The following EPHA5 variants were observed in gnomAD, a reference collection of about 807,000 sequenced individuals.
EPHA5 encodes the protein EPH receptor A5, also known as ephrin type-A receptor 5.
EPHA5 carries 60 observed loss-of-function variants against 105.0 expected under a neutral mutation model. The observed-to-expected ratio is 0.57, with a 90% confidence interval of 0.46 to 0.71. EPHA5 has a LOEUF of 0.71. EPHA5 is among the 30% of genes least tolerant of loss of function. The probability of loss-of-function intolerance (pLI) is 0.00; values close to 1 mark genes in which losing one functional copy is unlikely to be tolerated. For missense variants in EPHA5, 1,218 were observed against 1,274.7 expected, an observed-to-expected ratio of 0.96 and a Z score of 0.68; for synonymous variants, 513 against 449.1, an observed-to-expected ratio of 1.14 and a Z score of -1.80.
At chr4:65,577,463 A>G (rs6827892) in intron 3 of EPHA5, among the ~76,000 whole-genome samples, 37,815 of 152,052 alleles carry the variant, frequency 0.25, 5,256 homozygotes, top group East Asian at 0.46. Flanking sequence ...ATAGTAGCTT[A>G]TATAGTAAGT....
chr4:65,326,189 A>G (rs889389414), intron 16 of EPHA5, among the ~76,000 whole-genome samples: 1 of 150,996 alleles, frequency 6.6e-6, no homozygotes, highest in Non-Finnish European at 1.5e-5. Context: ...TATGATACAG[A>G]TTTTTAAATT....
At chr4:65,418,454 A>G (rs1000545474) in intron 6 of EPHA5, among the ~76,000 whole-genome samples, 2 of 152,196 alleles carry the variant, frequency 1.3e-5, no homozygotes, top group Non-Finnish European at 2.9e-5. Context: ...TTTGTTGACA[A>G]TAAACAGTGT....
intron 3 of EPHA5, among the ~76,000 whole-genome samples, chr4:65,502,618 G>A (rs1246040219): frequency 2.0e-5 from 3 of 151,846 alleles, no homozygotes; most frequent in African/African-American, 7.2e-5. Context: ...GTGAGGCTGT[G>A]GAGAAAAGGA....
intron 1 of EPHA5, among the ~76,000 whole-genome samples, chr4:65,659,269 T>C (rs1315934907): frequency 3.0e-5 from 4 of 132,044 alleles, no homozygotes; most frequent in Non-Finnish European, 6.1e-5. Context: ...ATAGAGTGTC[T>C]GGTCTGGGCT....
chr4:65,550,313 A>T (rs1420548365), intron 3 of EPHA5, among the ~76,000 whole-genome samples: 1 of 152,122 alleles, frequency 6.6e-6, no homozygotes, highest in Non-Finnish European at 1.5e-5. Flanking sequence ...TTATTAAACC[A>T]ATGTAAAAAT....
chr4:65,557,120 A>G (rs1482970824), intron 3 of EPHA5, among the ~76,000 whole-genome samples: 1 of 151,094 alleles, frequency 6.6e-6, no homozygotes, highest in Admixed American at 6.6e-5. Flanking sequence ...ATTTATATGG[A>G]ATATTCTAGA....
chr4:65,667,500 G>A (rs1198714148), intron 1 of EPHA5, among the ~76,000 whole-genome samples: 1 of 152,022 alleles, frequency 6.6e-6, no homozygotes, highest in African/African-American at 2.4e-5. Flanking sequence ...CCCCATCTCC[G>A]TGTAGTCCAA....
rs569337708 is a variant in EPHA5, at chr4:65,449,379, C to A, written c.1403-28814G>T. Among the ~76,000 whole-genome samples the A allele has an allele frequency of 3.3e-5, 5 of 152,206 alleles. No individual in the cohort carries two copies. In the South Asian group the frequency reaches 6.2e-4, roughly 19 times the overall value. Reference sequence around the variant, plus strand: ...GCACTGACTTACATTTTTTATAGTACACATTTGTACACTTTGGTGGGAAAC... The same window carrying A: ...GCACTGACTTACATTTTTTATAGTAAACATTTGTACACTTTGGTGGGAAAC... On this transcript the variant is annotated intron_variant, in intron 5 of 16. Transcript: ENST00000613740.
At chr4:65,417,153 G>A (rs1222634798) in intron 6 of EPHA5, among the ~76,000 whole-genome samples, 1 of 152,198 alleles carries the variant, frequency 6.6e-6, no homozygotes, top group Non-Finnish European at 1.5e-5. Context: ...AGATGGCAAT[G>A]AGCCCATCAT....
chr4:65,625,499 A>G (rs1746055761), intron 2 of EPHA5, among the ~76,000 whole-genome samples: 1 of 152,182 alleles, frequency 6.6e-6, no homozygotes, highest in African/African-American at 2.4e-5. Context: ...TATCACATTC[A>G]AGAATAAGAT....
chr4:65,645,696 T>A (rs192824690), intron 1 of EPHA5, among the ~76,000 whole-genome samples: 1 of 152,100 alleles, frequency 6.6e-6, no homozygotes, highest in African/African-American at 2.4e-5. Context: ...TTAATATAAT[T>A]TATTGAGTGT....
chr4:65,549,374 T>A (rs1157054081), intron 3 of EPHA5, among the ~76,000 whole-genome samples: 4 of 152,088 alleles, frequency 2.6e-5, no homozygotes, highest in Non-Finnish European at 5.9e-5. Flanking sequence ...TGATTATAAA[T>A]GGAAGGGCCT....
At chr4:65,634,398 A>C (rs1746923756) in intron 2 of EPHA5, among the ~76,000 whole-genome samples, 1 of 152,084 alleles carries the variant, frequency 6.6e-6, no homozygotes, top group Non-Finnish European at 1.5e-5. Flanking sequence ...ATCAAAGACT[A>C]AATACAATAC....
intron 3 of EPHA5, among the ~76,000 whole-genome samples, chr4:65,519,934 T>C (rs1361212541): frequency 6.6e-6 from 1 of 152,140 alleles, no homozygotes; most frequent in East Asian, 1.9e-4. Context: ...ATCAGTATTG[T>C]GAAAATGGCC....
intron 7 of EPHA5, among the ~76,000 whole-genome samples, chr4:65,406,778 A>G (rs1722400099): frequency 6.6e-6 from 1 of 152,126 alleles, no homozygotes; most frequent in Non-Finnish European, 1.5e-5. Context: ...ATAAAAATTA[A>G]CATGTTTAAA....
At position 65,369,931 on chromosome 4, in the gene EPHA5, C is replaced by A. The variant is rs528179898; in HGVS notation, c.1794-2507G>T. On this transcript the variant is annotated intron_variant, in intron 8 of 16. Transcript: ENST00000613740. ...GCAGTGAGCCAAGATCTTGCCACTG[C>A]ACTCCAGCCTCGGCCACAGAGCTAG... Among the ~76,000 whole-genome samples, 6 of 152,284 alleles carry A rather than the reference C, an allele frequency of 3.9e-5. No individual in the cohort carries two copies. The East Asian group carries it at 5.8e-4, about 15-fold the overall frequency.
chr4:65,338,777 A>T (rs1721425676), intron 14 of EPHA5, among the ~76,000 whole-genome samples: 2 of 152,028 alleles, frequency 1.3e-5, no homozygotes, highest in Admixed American at 6.6e-5. Context: ...ATTTCTAATG[A>T]TTCTTTATAA....
At chr4:65,483,519 C>G (rs1267721738) in intron 5 of EPHA5, among the ~76,000 whole-genome samples, 1 of 152,078 alleles carries the variant, frequency 6.6e-6, no homozygotes, top group Non-Finnish European at 1.5e-5. Context: ...CTCTCCAGCA[C>G]CTGTTGTTAA....
At chr4:65,645,208 C>T (rs1238688970) in intron 1 of EPHA5, among the ~76,000 whole-genome samples, 2 of 152,044 alleles carry the variant, frequency 1.3e-5, no homozygotes, top group Non-Finnish European at 2.9e-5. Context: ...CTTAAATGCC[C>T]TTGTCCTCAT....
Sources: allele counts gnomAD v4.1 joint callset (sites outside exome capture counted in the v4.1 genomes callset), GRCh38; gene constraint gnomAD v4.1.1; transcripts MANE v1.5; gene names NCBI Gene and HGNC (gene_info 2026-07-23, HGNC 2026-07-21).